The following LRRC1 variants were observed in gnomAD, a reference collection of about 807,000 sequenced individuals.
LRRC1 encodes the protein leucine rich repeat containing 1.
LRRC1 carries 28 observed loss-of-function variants against 69.9 expected under a neutral mutation model. The ratio of observed to expected loss-of-function variants is 0.40; its 90% CI spans 0.30 to 0.55. The LOEUF (loss-of-function observed/expected upper bound fraction) is 0.55. Among genes scored for constraint, LRRC1 ranks in the 20% least tolerant of loss-of-function variants. LRRC1 has a pLI of 0.47. For missense variants in LRRC1, 498 were observed against 609.0 expected, an observed-to-expected ratio of 0.82 and a Z score of 1.92; for synonymous variants, 236 against 240.2, an observed-to-expected ratio of 0.98 and a Z score of 0.16.
intron 2 of LRRC1, among the ~76,000 whole-genome samples, chr6:53,859,389 A>G (rs576999167): frequency 6.6e-6 from 1 of 152,318 alleles, no homozygotes; most frequent in African/African-American, 2.4e-5. Flanking sequence ...GCAGGAACCC[A>G]GGAGTCTGCA....
chr6:53,804,080 T>C (rs1764568612), intron 1 of LRRC1, among the ~76,000 whole-genome samples: 3 of 152,190 alleles, frequency 2.0e-5, no homozygotes, highest in Non-Finnish European at 4.4e-5. Context: ...AGGCTCATGT[T>C]ATTAGTGCAA....
intron 1 of LRRC1, among the ~76,000 whole-genome samples, chr6:53,818,219 A>G (rs555028455): frequency 3.2e-4 from 48 of 152,352 alleles, no homozygotes; most frequent in African/African-American, 1.1e-3. Context: ...GTTATAGGGC[A>G]ATGGTAGACA....
chr6:53,827,410 A>G (rs914996488), intron 1 of LRRC1, among the ~76,000 whole-genome samples: 1 of 151,426 alleles, frequency 6.6e-6, no homozygotes, highest in African/African-American at 2.4e-5. Context: ...ATTCTGAGGG[A>G]TGCCTTAGTG....
chr6:53,922,506 C>G (rs1768767883), intron 13 of LRRC1, 129 bp from the exon 14 acceptor site: 1 of 796,194 alleles, frequency 1.3e-6, no homozygotes, highest in Admixed American at 2.8e-5. Context: ...CCAAAGAAAG[C>G]TTTTCCACCC....
intron 1 of LRRC1, among the ~76,000 whole-genome samples, chr6:53,809,432 A>G (rs2127404997): frequency 6.6e-6 from 1 of 152,310 alleles, no homozygotes; most frequent in East Asian, 1.9e-4. Flanking sequence ...TTTATGCCCC[A>G]CACCGCTGGT....
Position 53,839,656 on chromosome 6 carries a change from G to A in LRRC1, c.160-2454G>A, listed in dbSNP as rs183431570. 2.0e-3 allele frequency among the ~76,000 whole-genome samples: 297 copies of A among 152,038 alleles called. 4 individuals carry two copies. The East Asian group carries it at 0.041, about 21-fold the overall frequency. Reference sequence around the variant, plus strand: ...TCTTTTTGTGGAAGATGAGGCTTTAGTTCTTACAGTTTCTTTCCCATTCTC... The same window carrying A: ...TCTTTTTGTGGAAGATGAGGCTTTAATTCTTACAGTTTCTTTCCCATTCTC... On this transcript the variant is annotated intron_variant, in intron 1 of 13. Coordinates refer to ENST00000370888, the MANE Select transcript of LRRC1 (RefSeq NM_018214.5).
chr6:53,812,476 G>C (rs972658720), intron 1 of LRRC1, among the ~76,000 whole-genome samples: 11 of 151,194 alleles, frequency 7.3e-5, no homozygotes, highest in Non-Finnish European at 7.4e-5. Context: ...GGATCACGAG[G>C]TCAGGAGATC....
chr6:53,809,485 G>A (rs977554131), intron 1 of LRRC1, among the ~76,000 whole-genome samples: 10 of 152,210 alleles, frequency 6.6e-5, no homozygotes, highest in Non-Finnish European at 1.5e-4. Context: ...CAGGAGCAAA[G>A]CGAATCAGAT....
chr6:53,849,078 T>G (rs4388286), intron 2 of LRRC1, among the ~76,000 whole-genome samples: 17,593 of 150,928 alleles, frequency 0.12, 1,221 homozygotes, highest in Non-Finnish European at 0.17. Flanking sequence ...TTTTTTTTTT[T>G]TTAGTTAGCA....
intron 1 of LRRC1, among the ~76,000 whole-genome samples, chr6:53,835,463 G>A (rs1765587128): frequency 6.6e-6 from 1 of 152,176 alleles, no homozygotes. Context: ...GATTCACCCA[G>A]AGATATTCCT....
intron 1 of LRRC1, among the ~76,000 whole-genome samples, chr6:53,840,076 C>T (rs764883916): frequency 3.3e-5 from 5 of 152,066 alleles, no homozygotes; most frequent in Non-Finnish European, 7.4e-5. Context: ...ATTTCCTTTG[C>T]CTTTCTCTGT....
chr6:53,853,284 T>A (rs75118226), intron 2 of LRRC1, among the ~76,000 whole-genome samples: 723 of 55,804 alleles, frequency 0.013, 6 homozygotes, highest in Non-Finnish European at 0.014. Flanking sequence ...TGGTTCATAT[T>A]TTTTTTTTTT....
intron 11 of LRRC1, among the ~76,000 whole-genome samples, chr6:53,915,958 C>T (rs1349789778): frequency 2.0e-5 from 3 of 152,086 alleles, no homozygotes; most frequent in South Asian, 2.1e-4. Context: ...TAGAAGCTTC[C>T]GCCTCTTCTT....
chr6:53,817,000 A>G (rs751091057), intron 1 of LRRC1, among the ~76,000 whole-genome samples: 1 of 152,234 alleles, frequency 6.6e-6, no homozygotes, highest in Non-Finnish European at 1.5e-5. Flanking sequence ...ACCCCCAATT[A>G]TGGACATGAT....
chr6:53,865,860 T>C (rs1766686492), intron 2 of LRRC1, among the ~76,000 whole-genome samples: 1 of 151,868 alleles, frequency 6.6e-6, no homozygotes, highest in African/African-American at 2.4e-5. Flanking sequence ...TAGCTGGGAT[T>C]ACAGGCACGC....
chr6:53,847,702 G>A (rs1765991625), intron 2 of LRRC1, among the ~76,000 whole-genome samples: 1 of 152,114 alleles, frequency 6.6e-6, no homozygotes, highest in South Asian at 2.1e-4. Context: ...GTCCAACCAC[G>A]AGATGCTGAT....
chr6:53,796,271 T>C lies in LRRC1; in HGVS notation c.159+856T>C, dbSNP rs571258639. Among the ~76,000 whole-genome samples the C allele has an allele frequency of 3.6e-4, 55 of 152,326 alleles. 1 individual carries two copies. Among genetic ancestry groups the C allele is most frequent in the Middle Eastern group, 6.8e-3 (2 of 294 alleles). On this transcript the variant is annotated intron_variant, in intron 1 of 13. Transcript: ENST00000370888. ...TTGCCGCCGAACTTGTCAAGCGACA[T>C]GTGCTGATGGTGCTTTGACCGAGAG...
chr6:53,878,587 G>A (rs952790996), intron 2 of LRRC1, among the ~76,000 whole-genome samples: 2 of 152,180 alleles, frequency 1.3e-5, no homozygotes, highest in African/African-American at 4.8e-5. Context: ...AGTAGGTGGA[G>A]CTCAGGCAGT....
chr6:53,857,287 C>T (rs1480137458), intron 2 of LRRC1, among the ~76,000 whole-genome samples: 2 of 152,056 alleles, frequency 1.3e-5, no homozygotes, highest in South Asian at 2.1e-4. Flanking sequence ...AAAGAGGGGC[C>T]CTTGTAAGAT....
Sources: allele counts gnomAD v4.1 joint callset (sites outside exome capture counted in the v4.1 genomes callset), GRCh38; gene constraint gnomAD v4.1.1; transcripts MANE v1.5; gene names NCBI Gene and HGNC (gene_info 2026-07-23, HGNC 2026-07-21).